The following HIP1R variants were observed in gnomAD, a reference collection of about 807,000 sequenced individuals.
The protein encoded by HIP1R is huntingtin-interacting protein 1-related protein.
In HIP1R, 135 loss-of-function variants were observed where a neutral mutation model predicts 144.2. The ratio of observed to expected loss-of-function variants is 0.94; its 90% CI spans 0.81 to 1.08. HIP1R has a LOEUF of 1.08. HIP1R is among the 50% of genes least tolerant of loss of function. The probability of loss-of-function intolerance (pLI) is 0.00; values close to 1 mark genes in which losing one functional copy is unlikely to be tolerated. For missense variants in HIP1R, 1,462 were observed against 1,432.8 expected (o/e 1.02, Z -0.33); for synonymous variants, 698 against 612.8 (o/e 1.14, Z -2.05).
chr12:122,855,066 TTCC>T lies in HIP1R; in HGVS notation c.791_793del (p.Phe264_Arg265delinsCys). ...CCATCTCTGCAGCCTCAGGAACTTC[TTCC>T]GCAGAGCCTCCGACATGCTGTACTT... On this transcript the variant is annotated inframe_deletion, in exon 10 of 32. Coordinates refer to ENST00000253083, the MANE Select transcript of HIP1R (RefSeq NM_003959.3). The T allele has an allele frequency of 6.2e-7, 1 of 1,613,876 alleles. No homozygotes were observed. Among genetic ancestry groups the T allele is most frequent in the Non-Finnish European group, 8.5e-7 (1 of 1,180,010 alleles).
chr12:122,858,425 C>G lies in HIP1R; in HGVS notation c.2040C>G (p.Thr680=), dbSNP rs370204053. The change falls in exon 20 of 32, where the codon ACC becomes ACG. Residue 680 remains threonine, a synonymous_variant. Coordinates refer to ENST00000253083, the MANE Select transcript of HIP1R (RefSeq NM_003959.3). Reference sequence around the variant, plus strand: ...AGGAGGGCCACGCCCAGTACCTGACCTCCTTGGCAGGTGAGTGTAGCCAGG... The same window carrying G: ...AGGAGGGCCACGCCCAGTACCTGACGTCCTTGGCAGGTGAGTGTAGCCAGG... ...TLEEGHAQYL[T]SLADASALVA... 1.2e-6 allele frequency: 2 copies of G among 1,606,090 alleles called. No individual in the cohort carries two copies. Among genetic ancestry groups the G allele is most frequent in the Non-Finnish European group, 1.7e-6 (2 of 1,175,262 alleles).
chr12:122,853,069 C>T (rs1040514339), intron 7 of HIP1R, among the ~76,000 whole-genome samples: 3 of 152,086 alleles, frequency 2.0e-5, no homozygotes, highest in African/African-American at 4.8e-5. Context: ...GTCTGTGCAG[C>T]GGGGGCTGTC....
chr12:122,848,364 T>G, intron 2 of HIP1R, 102 bp from the exon 3 acceptor site: 1 of 1,425,206 alleles, frequency 7.0e-7, no homozygotes, highest in Non-Finnish European at 9.5e-7. Context: ...GGGCACGTGA[T>G]TGGGGGCCGG....
chr12:122,860,595 G>T (rs1414040521), intron 27 of HIP1R, 72 bp downstream of exon 27: 2 of 1,561,588 alleles, frequency 1.3e-6, no homozygotes, highest in Admixed American at 1.7e-5. Flanking sequence ...GTTCAACAGG[G>T]TGCAGGGAGT....
rs982599712 is a variant in HIP1R at position 122,861,866 on chromosome 12, C to T, written c.*113C>T. On this transcript the variant is annotated 3_prime_UTR_variant, in exon 32 of 32. Transcript: ENST00000253083. ...CTGGTGCCCAAGCCTCCCGCCCCACCGTCTGGATCAATGTCCTCAAGGCCC... is the reference window on the plus strand; with the variant it reads ...CTGGTGCCCAAGCCTCCCGCCCCACTGTCTGGATCAATGTCCTCAAGGCCC... The T allele has an allele frequency of 2.8e-5, 27 of 961,740 alleles. No individual in the cohort carries two copies. The highest frequency in any genetic ancestry group is 2.1e-4 in the Middle Eastern group (1 of 4,782). 59.6% of individuals were successfully genotyped at this position (961,740 alleles called of 1,614,324 possible). A position where few individuals can be genotyped will look rare whatever the true frequency, so the allele number is the denominator to read the frequency against.
intron 1 of HIP1R, among the ~76,000 whole-genome samples, chr12:122,845,405 A>G (rs1174400294): frequency 1.3e-5 from 2 of 152,228 alleles, no homozygotes; most frequent in Non-Finnish European, 2.9e-5. Flanking sequence ...TCCCAGAGCC[A>G]GCCGGCACCC....
intron 24 of HIP1R, 23 bp downstream of exon 24, chr12:122,859,853 C>CA: frequency 6.2e-7 from 1 of 1,607,970 alleles, no homozygotes; most frequent in Non-Finnish European, 8.5e-7. Context: ...TCTGTCCCCC[C>CA]AGGCCCAGCC....
In HIP1R at chr12:122,861,512, C is replaced by T. The variant is rs1024911744; in HGVS notation, c.3157C>T (p.Gln1053Ter). 1.2e-5 allele frequency: 19 copies of T among 1,609,800 alleles called. No individual in the cohort carries two copies. Among genetic ancestry groups the T allele is most frequent in the Non-Finnish European group, 1.6e-5 (19 of 1,178,250 alleles). The change falls in exon 31 of 32, where the codon CAG becomes TAG. Residue 1053 changes from glutamine (Q) to a stop codon, truncating the protein, a stop_gained and splice_region_variant. Transcript: ENST00000253083. LOFTEE classifies it high-confidence loss of function. ...KPSVAPRQDH[Q>*]LDKKDGIYPA... ...CAGCGTGGCCCCCAGACAGGACCAC[C>T]AGGTGCCGTCTGCACTGGGATGGGG...
At chr12:122,838,632 C>G (rs577304190) in intron 1 of HIP1R, among the ~76,000 whole-genome samples, 132 of 152,254 alleles carry the variant, frequency 8.7e-4, no homozygotes, top group African/African-American at 3.0e-3. Context: ...CGTGTGGCAG[C>G]TAGAACCTGT....
intron 7 of HIP1R, among the ~76,000 whole-genome samples, chr12:122,853,135 G>C (rs2033449476): frequency 6.6e-6 from 1 of 152,270 alleles, no homozygotes; most frequent in East Asian, 1.9e-4. Flanking sequence ...CTCTGCCCCA[G>C]AGAAGCTGCC....
chr12:122,842,926 C>G (rs1490439482), intron 1 of HIP1R, among the ~76,000 whole-genome samples: 2 of 152,234 alleles, frequency 1.3e-5, no homozygotes, highest in Non-Finnish European at 2.9e-5. Flanking sequence ...CAGGTGTATC[C>G]TGAGGGCTTG....
rs186459753 is a variant in HIP1R, at chr12:122,840,652, C to G, written c.93+5009C>G. On this transcript the variant is annotated intron_variant, in intron 1 of 31. Transcript: ENST00000253083. This position sits in a 1 kb window ranked among gnomAD's most constrained non-coding sequence, Gnocchi z 4.2. The stretch of plus-strand genomic sequence containing the variant: ...AACAAGCTCCCTGTTGAGCTCTGCC[C>G]GGTGCCCTTAGATTAGCTGTAAGCG... Among the ~76,000 whole-genome samples, 2 of 152,170 alleles carry G rather than the reference C, an allele frequency of 1.3e-5. No homozygotes were observed. Among genetic ancestry groups the G allele is most frequent in the Non-Finnish European group, 1.5e-5 (1 of 68,040 alleles).
At chr12:122,846,681 CA>C (rs1174694242) in intron 1 of HIP1R, among the ~76,000 whole-genome samples, 5 of 152,180 alleles carry the variant, frequency 3.3e-5, no homozygotes, top group Admixed American at 6.5e-5. Context: ...AGGGCAGCCC[CA>C]GGACACCTGC....
Position 122,840,249 on chromosome 12 carries a change from G to A in HIP1R, c.93+4606G>A, listed in dbSNP as rs570347097. Reference sequence around the variant, plus strand: ...TGACCTCCCCCTCCCTGTCTCTGATGTGTTTTGATGCCCATGACACATTCC... The same window carrying A: ...TGACCTCCCCCTCCCTGTCTCTGATATGTTTTGATGCCCATGACACATTCC... On this transcript the variant is annotated intron_variant, in intron 1 of 31. Coordinates refer to ENST00000253083, the MANE Select transcript of HIP1R (RefSeq NM_003959.3). The surrounding 1 kb of genome is among the most constrained non-coding windows in gnomAD (Gnocchi z 4.2). Among the ~76,000 whole-genome samples the A allele has an allele frequency of 1.4e-4, 21 of 152,342 alleles. No homozygotes were observed. The South Asian group carries it at 3.9e-3, about 29-fold the overall frequency.
Position 122,849,878 on chromosome 12 carries a change from C to T in HIP1R, c.361C>T (p.His121Tyr). The part of the protein sequence containing the change: ...NIREIGDLWG[H>Y]LHDRYGQLVN... ...CACCCTGTCTGTCTTCACACAGGGA[C>T]ATTTGCATGACCGCTACGGACAGCT... The change falls in exon 5 of 32, where the codon CAT becomes TAT. Residue 121 changes from histidine (H) to tyrosine (Y), a missense_variant. Physicochemically the swap from His to Tyr is moderately conservative, Grantham distance 83 (BLOSUM62 2). Around this residue, in one of 2 missense-constraint regions of HIP1R, gnomAD observed 350 missense variants for 421.1 expected, o/e 0.83. Coordinates refer to ENST00000253083, the MANE Select transcript of HIP1R (RefSeq NM_003959.3). 4 of 1,612,302 alleles carry T rather than the reference C, an allele frequency of 2.5e-6. No homozygotes were observed. The highest frequency in any genetic ancestry group is 2.5e-6 in the Non-Finnish European group (3 of 1,178,886).
At position 122,840,392 on chromosome 12, in the gene HIP1R, C is replaced by CGTGT. The variant is rs1292126581; in HGVS notation, c.93+4751_93+4754dup. Among the ~76,000 whole-genome samples, 2 of 152,202 alleles carry CGTGT rather than the reference C, an allele frequency of 1.3e-5. No homozygotes were observed. The highest frequency in any genetic ancestry group is 4.8e-5 in the African/African-American group (2 of 41,448). On this transcript the variant is annotated intron_variant, in intron 1 of 31. Coordinates refer to ENST00000253083, the MANE Select transcript of HIP1R (RefSeq NM_003959.3). The surrounding 1 kb of genome is among the most constrained non-coding windows in gnomAD (Gnocchi z 4.2). ...GGTGGAGAGATGCCAACTGTGGCCA[C>CGTGT]GTGTGGAATGGTAGGGCAGTCAAGA... is the stretch of plus-strand genomic sequence containing the variant.
At chr12:122,849,575 C>G (rs545375682) in intron 4 of HIP1R, among the ~76,000 whole-genome samples, 1 of 152,234 alleles carries the variant, frequency 6.6e-6, no homozygotes, top group African/African-American at 2.4e-5. Context: ...TGTGTCCAGG[C>G]GCCCGTCGGG....
chr12:122,843,355 C>G (rs1225019783), intron 1 of HIP1R, among the ~76,000 whole-genome samples: 1 of 152,208 alleles, frequency 6.6e-6, no homozygotes, highest in Non-Finnish European at 1.5e-5. Context: ...CCCTTGCCCA[C>G]CTGCTCCGAG....
At position 122,854,960 on chromosome 12, in the gene HIP1R, C is replaced by T. The variant is rs1357477078; in HGVS notation, c.774C>T (p.His258=). The T allele has an allele frequency of 1.2e-6, 2 of 1,612,518 alleles. No individual in the cohort carries two copies. Among genetic ancestry groups the T allele is most frequent in the Non-Finnish European group, 1.7e-6 (2 of 1,179,522 alleles). The change falls in exon 9 of 32, where the codon CAC becomes CAT. Residue 258 remains histidine, a splice_region_variant and synonymous_variant. Transcript: ENST00000253083. ...GGGACCGGTTCCACGAGCAGTTTCA[C>T]AGGTACTGCCTGGGACAGGGACAGG... ...GHRDRFHEQF[H]SLRNFFRRAS... is the part of the protein sequence containing the mutation.
Sources: gnomAD v4.1 joint callset for allele counts (sites outside exome capture counted in the v4.1 genomes callset) on GRCh38, gnomAD v4.1.1 for gene constraint, gnomAD v4.1.1 regional missense constraint, Gnocchi (gnomAD v3.1) non-coding constraint, MANE v1.5 for transcripts, NCBI Gene and HGNC (gene_info 2026-07-23, HGNC 2026-07-21) for gene names.